Variants in ABCA4 observed in about 807,000 individuals in gnomAD.
ABCA4 encodes the protein ATP binding cassette subfamily A member 4.
ABCA4 carries 196 observed loss-of-function variants against 263.7 expected under a neutral mutation model. The observed-to-expected ratio is 0.74, with a 90% CI of 0.66 to 0.84. The LOEUF (loss-of-function observed/expected upper bound fraction) is 0.84, where lower values mean the gene tolerates loss of function less well. Ranked by LOEUF, ABCA4 falls within the 40% of genes least tolerant of loss-of-function variation. The probability of loss-of-function intolerance (pLI) is 0.00; values close to 1 mark genes in which losing one functional copy is unlikely to be tolerated. For missense variants in ABCA4, 2,792 were observed against 2,855.1 expected (o/e 0.98, Z 0.50); for synonymous variants, 1,133 against 1,094.2 (o/e 1.04, Z -0.70).
At chr1:94,116,962 T>TGCTTTC in intron 1 of ABCA4, among the ~76,000 whole-genome samples, 1 of 121,270 alleles carries the variant, frequency 8.2e-6, no homozygotes, top group Non-Finnish European at 1.7e-5. Flanking sequence ...CCTCCTTTCT[T>TGCTTTC]TCTTTCTCTT....
intron 11 of ABCA4, among the ~76,000 whole-genome samples, chr1:94,068,229 T>C (rs2101086523): frequency 6.6e-6 from 1 of 152,264 alleles, no homozygotes; most frequent in South Asian, 2.1e-4. Flanking sequence ...TAGCTGCTTG[T>C]TGATCACTAG....
At chr1:94,107,589 C>T (rs1178395704) in intron 4 of ABCA4, among the ~76,000 whole-genome samples, 1 of 152,224 alleles carries the variant, frequency 6.6e-6, no homozygotes, top group African/African-American at 2.4e-5. Context: ...TTCATCCTTT[C>T]TCTTCACTCT....
At chr1:94,095,787 A>G (rs1000156371) in intron 6 of ABCA4, among the ~76,000 whole-genome samples, 1 of 131,818 alleles carries the variant, frequency 7.6e-6, no homozygotes, top group Admixed American at 8.7e-5. Context: ...TTTTTAGTGT[A>G]ATCCATTTGT....
intron 11 of ABCA4, among the ~76,000 whole-genome samples, chr1:94,072,327 T>G (rs1363568955): frequency 1.3e-5 from 2 of 152,250 alleles, no homozygotes; most frequent in Admixed American, 1.3e-4. Flanking sequence ...ATTTTATGCC[T>G]TGATCAGAGG....
intron 26 of ABCA4, among the ~76,000 whole-genome samples, chr1:94,036,095 C>T (rs1346225840): frequency 1.3e-5 from 2 of 151,978 alleles, no homozygotes; most frequent in Admixed American, 6.6e-5. Flanking sequence ...CTCATGCAGA[C>T]AGAGATGGAT....
chr1:94,060,708 C>A lies in ABCA4; in HGVS notation c.1989G>T (p.Trp663Cys). ...TCACAGTCATGGAGACAGAGTAGATCCATGCCAGCACCATGAAGATAGGGA... is the reference window on the plus strand; with the variant it reads ...TCACAGTCATGGAGACAGAGTAGATACATGCCAGCACCATGAAGATAGGGA... ...RCFPIFMVLAWIYSVSMTVKS... is the reference protein window; with the variant it reads ...RCFPIFMVLACIYSVSMTVKS... Residue 663 changes from tryptophan (W) to cysteine (C), a missense_variant, in exon 14 of 50, where the codon TGG becomes TGT. Coordinates refer to ENST00000370225, the MANE Select transcript of ABCA4 (RefSeq NM_000350.3). 1 of 1,614,016 alleles carries A rather than the reference C, an allele frequency of 6.2e-7. No homozygotes were observed. The highest frequency in any genetic ancestry group is 8.5e-7 in the Non-Finnish European group (1 of 1,179,984).
chr1:94,051,140 G>A (rs1429344481), intron 17 of ABCA4, among the ~76,000 whole-genome samples: 1 of 152,196 alleles, frequency 6.6e-6, no homozygotes, highest in Non-Finnish European at 1.5e-5. Context: ...GAGAATCTGA[G>A]GTATTGCCCT....
intron 5 of ABCA4, among the ~76,000 whole-genome samples, chr1:94,102,640 G>T (rs1489450950): frequency 6.6e-6 from 1 of 152,062 alleles, no homozygotes; most frequent in Non-Finnish European, 1.5e-5. Context: ...CTGGCCTGGG[G>T]TTTTGCCTGT....
intron 1 of ABCA4, among the ~76,000 whole-genome samples, chr1:94,118,465 C>A (rs1258812916): frequency 6.6e-6 from 1 of 152,106 alleles, no homozygotes; most frequent in Non-Finnish European, 1.5e-5. Context: ...CTTAGAGGGA[C>A]CATCTTCTAG....
chr1:94,091,992 T>C (rs1661982597), intron 6 of ABCA4, among the ~76,000 whole-genome samples: 1 of 152,234 alleles, frequency 6.6e-6, no homozygotes, highest in South Asian at 2.1e-4. Context: ...CTTGTTGGCA[T>C]AGTATTTCTG....
intron 7 of ABCA4, among the ~76,000 whole-genome samples, chr1:94,081,174 G>C (rs760757176): frequency 3.9e-5 from 6 of 152,218 alleles, no homozygotes; most frequent in Non-Finnish European, 8.8e-5. Flanking sequence ...ACAGTGAGTA[G>C]ACATCGTGCC....
intron 30 of ABCA4, among the ~76,000 whole-genome samples, 190 bp from the exon 31 acceptor site, chr1:94,025,238 G>A (rs758923644): frequency 4.6e-5 from 7 of 151,186 alleles, no homozygotes; most frequent in African/African-American, 1.5e-4. Flanking sequence ...CTCTTTTTTC[G>A]CCAATCCATT....
In ABCA4 at chr1:94,121,123, C is replaced by G; in HGVS notation, c.-78G>C. On this transcript the variant is annotated 5_prime_UTR_variant, in exon 1 of 50. Coordinates refer to ENST00000370225, the MANE Select transcript of ABCA4 (RefSeq NM_000350.3). ...CAAAGGACATAAACGCCGTTAAGAG[C>G]GCCTCTGGCTCCGGACGCTGTGTCC... is the stretch of plus-strand genomic sequence containing the variant. The G allele has an allele frequency of 7.4e-7, 1 of 1,347,016 alleles. No individual in the cohort carries two copies. Among genetic ancestry groups the G allele is most frequent in the Admixed American group, 1.7e-5 (1 of 59,648 alleles). 83.4% of individuals were successfully genotyped at this position (1,347,016 alleles called of 1,614,324 possible).
intron 30 of ABCA4, among the ~76,000 whole-genome samples, chr1:94,025,973 A>C (rs1336626550): frequency 1.3e-5 from 2 of 152,232 alleles, no homozygotes; most frequent in Middle Eastern, 3.2e-3. Context: ...TTTACAAATC[A>C]CTTTCAAAAT....
In ABCA4 at chr1:94,077,706, A is replaced by G. The variant is rs750393418; in HGVS notation, c.1538T>C (p.Val513Ala). The G allele has an allele frequency of 2.5e-6, 4 of 1,612,598 alleles. No homozygotes were observed. In the African/African-American group the frequency reaches 5.3e-5, roughly 22 times the overall value. The change falls in exon 11 of 50, where the codon GTC becomes GCC. Residue 513 changes from valine to alanine, a missense_variant. Transcript: ENST00000370225. ...FNITDRTLRLVNQYLECLVLD... is the reference protein window; with the variant it reads ...FNITDRTLRLANQYLECLVLD... ...GCCCCTTACCTCCAGGTATTGATTG[A>G]CCAGGCGGAGGGTGCGATCAGTGAT...
rs1659427040 is a variant in ABCA4 at position 94,007,670 on chromosome 1, G to A, written c.5969C>T (p.Thr1990Ile). 6.2e-7 allele frequency: 1 copy of A among 1,614,004 alleles called. No homozygotes were observed. The highest frequency in any genetic ancestry group is 1.1e-5 in the South Asian group (1 of 91,088). Reference protein sequence around the residue: ...TTFKMLTGDTTVTSGDATVAG... With the variant: ...TTFKMLTGDTIVTSGDATVAG... ...TACGGTGGCATCCCCTGAGGTCACT[G>A]TGGTGTCCCCAGTGAGCATCTTGAA... Residue 1990 changes from threonine (T) to isoleucine (I), a missense_variant, in exon 43 of 50, where the codon ACA becomes ATA. By Grantham distance (89) the Thr-to-Ile change is moderately conservative. Transcript: ENST00000370225.
At position 94,077,731 on chromosome 1, in the gene ABCA4, T is replaced by C. The variant is rs202008219; in HGVS notation, c.1513A>G (p.Ile505Val). 3 of 1,614,094 alleles carry C rather than the reference T, an allele frequency of 1.9e-6. No homozygotes were observed. The highest frequency in any genetic ancestry group is 4.5e-5 in the East Asian group (2 of 44,868). ...ACCAGGCGGAGGGTGCGATCAGTGA[T>C]GTTAAATATGTCCCTCCAGTCGAAG... ...ANFDWRDIFNITDRTLRLVNQ... is the reference protein window; with the variant it reads ...ANFDWRDIFNVTDRTLRLVNQ... The change falls in exon 11 of 50, where the codon ATC becomes GTC. Residue 505 changes from isoleucine (I) to valine (V), a missense_variant. Transcript: ENST00000370225.
intron 6 of ABCA4, among the ~76,000 whole-genome samples, chr1:94,097,958 C>T (rs1189076819): frequency 2.6e-5 from 4 of 152,126 alleles, no homozygotes; most frequent in South Asian, 2.1e-4. Context: ...GGGGTTTCAC[C>T]GTGTTAGCCA....
chr1:94,033,032 A>T (rs1372252768), intron 26 of ABCA4, among the ~76,000 whole-genome samples: 1 of 152,234 alleles, frequency 6.6e-6, no homozygotes, highest in Non-Finnish European at 1.5e-5. Context: ...ATGAACTAAG[A>T]GTTAGGGGAC....
Sources: allele counts gnomAD v4.1 joint callset (sites outside exome capture counted in the v4.1 genomes callset), GRCh38; gene constraint gnomAD v4.1.1; transcripts MANE v1.5; gene names NCBI Gene and HGNC (gene_info 2026-07-23, HGNC 2026-07-21).